The following MYLK variants were observed in gnomAD, a reference collection of about 807,000 sequenced individuals.
MYLK encodes the protein myosin light chain kinase, smooth muscle.
Under a neutral mutation model 203.4 loss-of-function variants are expected in MYLK, and 106 were observed. The observed-to-expected ratio is 0.52, with a 90% confidence interval of 0.45 to 0.61. MYLK has a LOEUF of 0.61. Ranked by LOEUF, MYLK falls within the 20% of genes least tolerant of loss-of-function variation. The pLI, the probability that MYLK is intolerant of heterozygous loss-of-function variation, is 0.00. For synonymous variants in MYLK, 867 were observed against 959.5 expected (o/e 0.90, Z 1.78); for missense variants, 2,072 against 2,442.3 (o/e 0.85, Z 3.20).
chr3:123,628,259 CAG>C (rs1425434003), intron 30 of MYLK, among the ~76,000 whole-genome samples: 1 of 152,204 alleles, frequency 6.6e-6, no homozygotes, highest in Non-Finnish European at 1.5e-5. Context: ...GAAAGCCTGA[CAG>C]AGCCATCTGA....
chr3:123,629,750 G>C lies in MYLK; in HGVS notation c.4962-124C>G. On this transcript the variant is annotated intron_variant, in intron 29 of 33. Coordinates refer to ENST00000360304, the MANE Select transcript of MYLK (RefSeq NM_053025.4). The surrounding 1 kb of genome is among the most constrained non-coding windows in gnomAD (Gnocchi z 4.4). ...CCACCCCCAAACTCATGCTCTGTGGGCCTTGCACCTGCCTTTCTTCCACTT... is the reference window on the plus strand; with the variant it reads ...CCACCCCCAAACTCATGCTCTGTGGCCCTTGCACCTGCCTTTCTTCCACTT... The C allele has an allele frequency of 1.0e-6, 1 of 956,180 alleles. No individual in the cohort carries two copies. The highest frequency in any genetic ancestry group is 2.5e-5 in the East Asian group (1 of 39,770). The allele number at this position is 956,180 out of a possible 1,614,324, so 59.2% of individuals were successfully genotyped here. A position where few individuals can be genotyped will look rare whatever the true frequency, so the allele number is the denominator to read the frequency against.
At chr3:123,829,899 T>C (rs993758397) in intron 3 of MYLK, among the ~76,000 whole-genome samples, 7 of 152,242 alleles carry the variant, frequency 4.6e-5, no homozygotes, top group African/African-American at 1.7e-4. Flanking sequence ...TTTGCTCACA[T>C]GGCCCCAATG....
At chr3:123,682,719 G>T (rs903077316) in intron 19 of MYLK, among the ~76,000 whole-genome samples, 3 of 152,234 alleles carry the variant, frequency 2.0e-5, no homozygotes, top group African/African-American at 7.2e-5. Flanking sequence ...GGAGGGGACA[G>T]GGTCCCCGCC....
At chr3:123,793,621 G>A (rs2064870192) in intron 4 of MYLK, 56 bp downstream of exon 4, 1 of 1,596,104 alleles carries the variant, frequency 6.3e-7, no homozygotes, top group Non-Finnish European at 8.6e-7. Context: ...TTGACAAGGA[G>A]CAGCGGCCCC....
intron 27 of MYLK, among the ~76,000 whole-genome samples, chr3:123,646,341 G>A (rs2059019516): frequency 6.6e-6 from 1 of 152,158 alleles, no homozygotes; most frequent in Non-Finnish European, 1.5e-5. Context: ...GTTTAGGAAA[G>A]GATAGACAGG....
At chr3:123,749,330 C>G (rs2063126291) in intron 5 of MYLK, among the ~76,000 whole-genome samples, 1 of 151,738 alleles carries the variant, frequency 6.6e-6, no homozygotes, top group Non-Finnish European at 1.5e-5. Flanking sequence ...CTCTACAGGA[C>G]AGGTCTGTGG....
chr3:123,818,597 G>A (rs1577060888), intron 3 of MYLK, among the ~76,000 whole-genome samples: 3 of 152,288 alleles, frequency 2.0e-5, no homozygotes, highest in African/African-American at 7.2e-5. Flanking sequence ...GGCTGAGGCA[G>A]GAGGATTGCT....
rs757392371 is a variant in MYLK at position 123,649,043 on chromosome 3, T to A, written c.4343A>T (p.Asp1448Val). The change falls in exon 26 of 34, where the codon GAT becomes GTT. Residue 1448 changes from aspartate (D) to valine (V), a missense_variant. Physicochemically the swap from Asp to Val is radical, Grantham distance 152 (BLOSUM62 -3). Around this residue, in one of 3 missense-constraint regions of MYLK, gnomAD observed 524 missense variants for 782.4 expected, o/e 0.67. Transcript: ENST00000360304. ...AGTATTGATTGTCACTGTCCGGTAA[T>A]CAACCTCGGGCTCCTTCTCATCTGT... ...SDDDEKEPEV[D>V]YRTVTINTEQ... 60 of 1,614,086 alleles carry A rather than the reference T, an allele frequency of 3.7e-5. No homozygotes were observed. The highest frequency in any genetic ancestry group is 4.7e-5 in the Non-Finnish European group (56 of 1,180,034).
At chr3:123,882,896 G>C (rs973970383) in intron 1 of MYLK, among the ~76,000 whole-genome samples, 1 of 152,204 alleles carries the variant, frequency 6.6e-6, no homozygotes, top group East Asian at 1.9e-4. Flanking sequence ...GAGACTAAGA[G>C]AATCACGGAA....
intron 15 of MYLK, 21 bp downstream of exon 15, chr3:123,708,677 C>T (rs756556904): frequency 6.2e-7 from 1 of 1,613,496 alleles, no homozygotes; most frequent in Admixed American, 1.7e-5. Flanking sequence ...TTCCCACTCG[C>T]TCTGAGTGGG....
At chr3:123,687,805 G>A (rs2060516042) in intron 19 of MYLK, among the ~76,000 whole-genome samples, 1 of 152,046 alleles carries the variant, frequency 6.6e-6, no homozygotes, top group Non-Finnish European at 1.5e-5. Context: ...CTGAGTAGCT[G>A]GGACTACAGG....
intron 18 of MYLK, among the ~76,000 whole-genome samples, chr3:123,695,129 C>T (rs989699929): frequency 3.9e-5 from 6 of 152,158 alleles, no homozygotes; most frequent in Non-Finnish European, 8.8e-5. Context: ...AGGGAGGGAG[C>T]TTCCTGGAGG....
Position 123,835,129 on chromosome 3 carries a change from T to C in MYLK, c.-126-3459A>G, listed in dbSNP as rs143911845. On this transcript the variant is annotated intron_variant, in intron 2 of 33. Transcript: ENST00000360304. ...TAGAGCAGTGTTTCTCAAAGTGTGG[T>C]CCCTAATTAGCATCACCTGGGAACT... Among the ~76,000 whole-genome samples the C allele has an allele frequency of 1.4e-4, 21 of 152,340 alleles. No individual in the cohort carries two copies. The East Asian group carries it at 3.9e-3, about 28-fold the overall frequency.
chr3:123,857,375 T>G (rs1211123857), intron 2 of MYLK, among the ~76,000 whole-genome samples: 2 of 151,702 alleles, frequency 1.3e-5, no homozygotes, highest in Non-Finnish European at 2.9e-5. Context: ...CTATTCACAA[T>G]AGCAAAGACT....
intron 3 of MYLK, among the ~76,000 whole-genome samples, chr3:123,827,565 T>C (rs1210356386): frequency 6.7e-6 from 1 of 150,350 alleles, no homozygotes; most frequent in Admixed American, 6.6e-5. Flanking sequence ...AAGCTAACCT[T>C]CAGAAATGAA....
At chr3:123,710,747 C>T (rs2061660659) in intron 13 of MYLK, among the ~76,000 whole-genome samples, 1 of 152,176 alleles carries the variant, frequency 6.6e-6, no homozygotes, top group African/African-American at 2.4e-5. Context: ...AACGCAAGCA[C>T]ATATCCATAC....
rs186932769 is a variant in MYLK at position 123,616,005 on chromosome 3, G to A, written c.5501-1656C>T. On this transcript the variant is annotated intron_variant, in intron 33 of 33. Coordinates refer to ENST00000360304, the MANE Select transcript of MYLK (RefSeq NM_053025.4). ...GAAATAATTTAAATGAAAAATAAGA[G>A]TCAAAACAAAATGGGAACAAGGGAT... 1.9e-4 allele frequency among the ~76,000 whole-genome samples: 29 copies of A among 152,238 alleles called. 1 individual carries two copies. The highest frequency in any genetic ancestry group is 3.8e-4 in the Non-Finnish European group (26 of 67,996).
chr3:123,774,844 C>A (rs1017035504), intron 4 of MYLK, among the ~76,000 whole-genome samples: 1 of 152,072 alleles, frequency 6.6e-6, no homozygotes, highest in African/African-American at 2.4e-5. Context: ...ATATACCGAC[C>A]ATAGAGCATA....
At chr3:123,657,045 C>T in intron 24 of MYLK, 81 bp downstream of exon 24, 1 of 1,506,314 alleles carries the variant, frequency 6.6e-7, no homozygotes, top group Non-Finnish European at 9.2e-7. Context: ...TCCTTTTCAC[C>T]CCTTTCAGTA....
Sources: allele counts gnomAD v4.1 joint callset (sites outside exome capture counted in the v4.1 genomes callset), GRCh38; gene constraint gnomAD v4.1.1; regional missense constraint gnomAD v4.1.1; non-coding constraint Gnocchi (gnomAD v3.1); transcripts MANE v1.5; gene names NCBI Gene and HGNC (gene_info 2026-07-23, HGNC 2026-07-21).